Variants in GPHN observed in about 807,000 individuals in gnomAD.
GPHN encodes gephyrin.
Under a neutral mutation model 95.5 loss-of-function variants are expected in GPHN, and 17 were observed. The observed-to-expected ratio is 0.18, with a 90% CI of 0.12 to 0.27. The LOEUF (loss-of-function observed/expected upper bound fraction) is 0.27, where lower values mean the gene tolerates loss of function less well. GPHN is among the 10% of genes least tolerant of loss of function. GPHN has a pLI of 1.00. For synonymous variants in GPHN, 320 were observed against 322.5 expected (o/e 0.99, Z 0.08); for missense variants, 660 against 978.1 (o/e 0.67, Z 4.34).
chr14:67,008,538 A>AATTTATTT (rs140066998), intron 9 of GPHN, among the ~76,000 whole-genome samples: 44 of 151,104 alleles, frequency 2.9e-4, no homozygotes, highest in African/African-American at 9.2e-4. Context: ...CTTTTTTTAA[A>AATTTATTT]ATTTATTTAT....
chr14:66,616,652 A>G (rs2063051156), intron 1 of GPHN, among the ~76,000 whole-genome samples: 1 of 151,978 alleles, frequency 6.6e-6, no homozygotes, highest in African/African-American at 2.4e-5. Flanking sequence ...GCTCCTGTAT[A>G]GGGTGTCTGA....
the GPHN span, among the ~76,000 whole-genome samples, chr14:67,201,153 G>A: frequency 6.6e-5 from 10 of 152,096 alleles, no homozygotes; most frequent in Non-Finnish European, 1.3e-4. Flanking sequence ...AATTAGCAGG[G>A]TGCAGTGCTG....
chr14:66,992,231 C>CA (rs1301755997), intron 9 of GPHN, among the ~76,000 whole-genome samples: 1 of 151,346 alleles, frequency 6.6e-6, no homozygotes, highest in Admixed American at 6.6e-5. Flanking sequence ...CTATGATAAA[C>CA]AAAAAGGAAT....
the GPHN span, among the ~76,000 whole-genome samples, chr14:67,236,956 T>A: frequency 5.9e-5 from 9 of 152,084 alleles, no homozygotes; most frequent in Non-Finnish European, 1.3e-4. Flanking sequence ...CCGGGCATGG[T>A]GGCAGGTGCC....
At chr14:66,792,339 C>CA (rs1475718188) in intron 3 of GPHN, among the ~76,000 whole-genome samples, 1 of 151,766 alleles carries the variant, frequency 6.6e-6, no homozygotes, top group South Asian at 2.1e-4. Context: ...CCCATCTCTA[C>CA]AAAAAATAAA....
At chr14:67,226,283 C>T in the GPHN span, among the ~76,000 whole-genome samples, 4 of 152,176 alleles carry the variant, frequency 2.6e-5, no homozygotes, top group Non-Finnish European at 4.4e-5. Flanking sequence ...CCTCTGCCTC[C>T]TGGGTTCAAG....
chr14:67,372,444 A>G, the GPHN span, among the ~76,000 whole-genome samples: 23,602 of 152,210 alleles, frequency 0.16, 3,467 homozygotes, highest in East Asian at 0.42. Context: ...ATTGGACCTT[A>G]TCAAAATTAA....
intron 5 of GPHN, among the ~76,000 whole-genome samples, chr14:66,886,205 G>T (rs1596278642): frequency 1.3e-5 from 2 of 152,156 alleles, no homozygotes; most frequent in East Asian, 3.9e-4. Context: ...ATCTTTTAAG[G>T]CCATGATGGG....
At position 67,089,071 on chromosome 14, in the gene GPHN, C is replaced by G. The variant is rs1439490001; in HGVS notation, c.1233C>G (p.Val411=). 11 of 1,511,978 alleles carry G rather than the reference C, an allele frequency of 7.3e-6. No homozygotes were observed. Among genetic ancestry groups the G allele is most frequent in the Non-Finnish European group, 1.0e-5 (11 of 1,087,778 alleles). The allele number at this position is 1,511,978 out of a possible 1,614,324, so 93.7% of individuals were successfully genotyped here. The change falls in exon 12 of 23, where the codon GTC becomes GTG. Residue 411 remains valine, a synonymous_variant. Transcript: ENST00000478722. ...FPASVKDGYA[V]RAADGPGDRF... ...CATCAGTAAAAGATGGCTATGCTGT[C>G]CGAGGTAAATATTTTGGTTTTCTTA...
At chr14:67,719,471 AT>A in the GPHN span, among the ~76,000 whole-genome samples, 2 of 151,606 alleles carry the variant, frequency 1.3e-5, no homozygotes, top group Admixed American at 6.6e-5. Flanking sequence ...AAGTTTATTT[AT>A]TTTTTCTTTT....
At chr14:67,650,531 G>A in the GPHN span, 3 of 609,672 alleles carry the variant, frequency 4.9e-6, no homozygotes, top group Admixed American at 8.6e-5. Context: ...TAGCACAACA[G>A]TGTTTTAACT....
intron 3 of GPHN, among the ~76,000 whole-genome samples, chr14:66,799,676 C>A (rs2060275182): frequency 6.6e-6 from 1 of 151,794 alleles, no homozygotes; most frequent in Non-Finnish European, 1.5e-5. Context: ...TTTTTCCATT[C>A]CTTTATTTTC....
the GPHN span, among the ~76,000 whole-genome samples, chr14:67,344,597 G>A: frequency 6.6e-6 from 1 of 152,068 alleles, no homozygotes; most frequent in East Asian, 1.9e-4. Context: ...AGTGAAACTG[G>A]GCTGGGTGAG....
chr14:66,513,628 G>A (rs935137990), intron 1 of GPHN, among the ~76,000 whole-genome samples: 1 of 151,700 alleles, frequency 6.6e-6, no homozygotes, highest in Non-Finnish European at 1.5e-5. Flanking sequence ...TTCACATCTG[G>A]GCAGAGAAGA....
intron 10 of GPHN, among the ~76,000 whole-genome samples, chr14:67,040,609 C>G (rs546083572): frequency 1.8e-4 from 28 of 152,254 alleles, no homozygotes; most frequent in Non-Finnish European, 3.5e-4. Flanking sequence ...GTTATCCTGT[C>G]TCTGTAGACT....
In GPHN at chr14:66,748,233, T is replaced by G. The variant is rs536984894; in HGVS notation, c.144-28231T>G. On this transcript the variant is annotated intron_variant, in intron 2 of 22. Transcript: ENST00000478722. ...AAAAAAAATACTTTTACTATAGTAC[T>G]TATTAATAAACTCATTTTTAAATTT... Among the ~76,000 whole-genome samples, 266 of 152,228 alleles carry G rather than the reference T, an allele frequency of 1.7e-3. 1 individual carries two copies. The Middle Eastern group carries it at 0.044, about 25-fold the overall frequency.
At chr14:67,503,939 T>C in the GPHN span, among the ~76,000 whole-genome samples, 56 of 152,162 alleles carry the variant, frequency 3.7e-4, no homozygotes, top group African/African-American at 1.2e-3. Flanking sequence ...CCTGACCTCG[T>C]GATCTGCCTG....
intron 11 of GPHN, among the ~76,000 whole-genome samples, chr14:67,068,793 C>G (rs771079454): frequency 6.6e-6 from 1 of 152,158 alleles, no homozygotes; most frequent in Non-Finnish European, 1.5e-5. Flanking sequence ...TGAAATATCT[C>G]TTTTAGAATA....
the GPHN span, chr14:67,395,626 C>T: frequency 7.0e-6 from 11 of 1,581,202 alleles, no homozygotes; most frequent in Non-Finnish European, 8.7e-6. Flanking sequence ...TCAGGCAGAG[C>T]AAGAGGACGC....
Sources: gnomAD v4.1 joint callset for allele counts (sites outside exome capture counted in the v4.1 genomes callset) on GRCh38, gnomAD v4.1.1 for gene constraint, MANE v1.5 for transcripts, NCBI Gene and HGNC (gene_info 2026-07-23, HGNC 2026-07-21) for gene names.